The following CCNY variants were observed in gnomAD, a reference collection of about 807,000 sequenced individuals.
CCNY encodes the protein cyclin Y.
Under a neutral mutation model 42.8 loss-of-function variants are expected in CCNY, and 19 were observed. The observed-to-expected ratio is 0.44, with a 90% CI of 0.31 to 0.65. The LOEUF (loss-of-function observed/expected upper bound fraction) is 0.65. Ranked by LOEUF, CCNY falls within the 30% of genes least tolerant of loss-of-function variation. The pLI is 0.07. For synonymous variants in CCNY, 165 were observed against 162.7 expected (o/e 1.01, Z -0.11); for missense variants, 370 against 437.3 (o/e 0.85, Z 1.37).
At chr10:35,280,683 A>T (rs1333170946) in intron 3 of CCNY, among the ~76,000 whole-genome samples, 1 of 152,214 alleles carries the variant, frequency 6.6e-6, no homozygotes, top group African/African-American at 2.4e-5. Flanking sequence ...ATGACTCTGG[A>T]TTTAGTGACA....
chr10:35,397,411 T>C (rs971077336), intron 1 of CCNY, among the ~76,000 whole-genome samples: 9 of 152,070 alleles, frequency 5.9e-5, no homozygotes, highest in African/African-American at 2.2e-4. Context: ...CTTGCTTCCT[T>C]CCCCCCTTAT....
intron 1 of CCNY, among the ~76,000 whole-genome samples, chr10:35,467,874 C>T (rs1446128028): frequency 6.6e-6 from 1 of 152,182 alleles, no homozygotes; most frequent in Non-Finnish European, 1.5e-5. Flanking sequence ...TTAGTTCATT[C>T]TATACAATGC....
upstream of CCNY, among the ~76,000 whole-genome samples, chr10:35,331,967 C>A (rs977229713): frequency 2.0e-5 from 3 of 152,170 alleles, no homozygotes; most frequent in African/African-American, 7.2e-5. Context: ...ACTTTCGTAT[C>A]CTCAAGGTGC....
intron 1 of CCNY, among the ~76,000 whole-genome samples, chr10:35,417,887 A>T (rs1838060398): frequency 1.3e-5 from 2 of 152,206 alleles, no homozygotes; most frequent in Non-Finnish European, 1.5e-5. Flanking sequence ...TCACCTCTCT[A>T]GCAATCTGTT....
At chr10:35,453,118 A>G (rs1838955046) in intron 1 of CCNY, among the ~76,000 whole-genome samples, 1 of 152,298 alleles carries the variant, frequency 6.6e-6, no homozygotes, top group South Asian at 2.1e-4. Context: ...TAATTTTTTC[A>G]TAGAGATAGG....
intron 3 of CCNY, among the ~76,000 whole-genome samples, chr10:35,263,852 C>G (rs985242388): frequency 6.6e-6 from 1 of 152,168 alleles, no homozygotes; most frequent in East Asian, 1.9e-4. Context: ...CCCCAACAGG[C>G]CCTAGTGTGT....
At chr10:35,276,373 CT>C (rs1265265719) in intron 3 of CCNY, among the ~76,000 whole-genome samples, 2 of 152,028 alleles carry the variant, frequency 1.3e-5, no homozygotes, top group African/African-American at 2.4e-5. Flanking sequence ...GAACCCAGTT[CT>C]TGGTTTTTAT....
intron 1 of CCNY, among the ~76,000 whole-genome samples, chr10:35,480,058 A>C (rs1205763400): frequency 6.6e-6 from 1 of 151,912 alleles, no homozygotes; most frequent in African/African-American, 2.4e-5. Context: ...TAATTACCAT[A>C]GTTTTCTTCA....
intron 2 of CCNY, among the ~76,000 whole-genome samples, chr10:35,497,125 C>T (rs1840018613): frequency 6.6e-6 from 1 of 152,116 alleles, no homozygotes; most frequent in South Asian, 2.1e-4. Flanking sequence ...AATTTATGAT[C>T]CATATCAATT....
At chr10:35,350,625 G>T (rs1423627954) in intron 1 of CCNY, among the ~76,000 whole-genome samples, 1 of 152,180 alleles carries the variant, frequency 6.6e-6, no homozygotes, top group African/African-American at 2.4e-5. Context: ...TGATTCAGGG[G>T]TCTGGCATTC....
chr10:35,290,422 A>C (rs928914028), intron 3 of CCNY, among the ~76,000 whole-genome samples: 1 of 152,182 alleles, frequency 6.6e-6, no homozygotes, highest in Non-Finnish European at 1.5e-5. Flanking sequence ...TCTTAAAAAA[A>C]AAAAAATCAT....
In CCNY at chr10:35,572,526, C is replaced by G. The variant is rs941525411; in HGVS notation, c.*3356C>G. 2 of 152,110 alleles carry G rather than the reference C, an allele frequency of 1.3e-5. No homozygotes were observed. Among genetic ancestry groups the G allele is most frequent in the Non-Finnish European group, 2.9e-5 (2 of 68,014 alleles). The allele number at this position is 152,110 out of a possible 1,614,324, so 9.4% of individuals were successfully genotyped here. On this transcript the variant is annotated 3_prime_UTR_variant, in exon 10 of 10. Coordinates refer to ENST00000374704, the MANE Select transcript of CCNY (RefSeq NM_145012.6). ...AACTCCTGACCTCAAGTGATCCACC[C>G]CCCTCAGCCTCCCAAAGTGCTGAGA...
intron 3 of CCNY, among the ~76,000 whole-genome samples, chr10:35,331,317 C>CAT (rs905912311): frequency 1.3e-5 from 2 of 152,190 alleles, no homozygotes; most frequent in Non-Finnish European, 2.9e-5. Context: ...AAGGATCCCA[C>CAT]ATATATATAC....
At chr10:35,351,403 T>A (rs181554638) in intron 1 of CCNY, among the ~76,000 whole-genome samples, 16 of 152,364 alleles carry the variant, frequency 1.1e-4, no homozygotes, top group African/African-American at 3.6e-4. Context: ...CTTTAAGTAC[T>A]GTTTTTAGAG....
intron 3 of CCNY, among the ~76,000 whole-genome samples, chr10:35,312,413 A>C (rs1835697853): frequency 6.7e-6 from 1 of 148,272 alleles, no homozygotes; most frequent in African/African-American, 2.5e-5. Context: ...AAAAAATGTT[A>C]ATTAGGTACT....
At chr10:35,471,465 T>C (rs925789707) in intron 1 of CCNY, among the ~76,000 whole-genome samples, 15 of 152,210 alleles carry the variant, frequency 9.9e-5, no homozygotes, top group Non-Finnish European at 1.5e-5. Flanking sequence ...AACTTGGTGC[T>C]GGTTTAAAAG....
At chr10:35,438,245 C>A (rs1264402938) in intron 1 of CCNY, among the ~76,000 whole-genome samples, 1 of 151,414 alleles carries the variant, frequency 6.6e-6, no homozygotes, top group Non-Finnish European at 1.5e-5. Context: ...GCCTCCCAGG[C>A]TAAAGCTGTC....
intron 1 of CCNY, among the ~76,000 whole-genome samples, chr10:35,355,350 G>A (rs1272702305): frequency 3.9e-5 from 6 of 152,120 alleles, no homozygotes; most frequent in Non-Finnish European, 7.4e-5. Flanking sequence ...TTGGGTAAAA[G>A]TAAAGTTAAG....
intron 3 of CCNY, among the ~76,000 whole-genome samples, chr10:35,257,212 T>TCACC (rs2095716253): frequency 1.0e-5 from 1 of 98,398 alleles, no homozygotes; most frequent in Non-Finnish European, 2.0e-5. Flanking sequence ...TCTTTTCTTT[T>TCACC]CTCCTCCCTC....
Sources: allele counts gnomAD v4.1 joint callset (sites outside exome capture counted in the v4.1 genomes callset), GRCh38; gene constraint gnomAD v4.1.1; transcripts MANE v1.5; gene names NCBI Gene and HGNC (gene_info 2026-07-23, HGNC 2026-07-21).